SPTLC1: variants seen among roughly 807,000 people sequenced by gnomAD.
SPTLC1 encodes the protein serine palmitoyltransferase 1.
Under a neutral mutation model 68.9 loss-of-function variants are expected in SPTLC1, and 55 were observed. The observed-to-expected ratio is 0.80, with a 90% CI of 0.64 to 1.00. The LOEUF (loss-of-function observed/expected upper bound fraction) is 1.00. Ranked by LOEUF, SPTLC1 falls within the 50% of genes least tolerant of loss-of-function variation. The pLI, the probability that SPTLC1 is intolerant of heterozygous loss-of-function variation, is 0.00. For synonymous variants in SPTLC1, 197 were observed against 201.6 expected, an observed-to-expected ratio of 0.98 and a Z score of 0.19; for missense variants, 449 against 573.1, an observed-to-expected ratio of 0.78 and a Z score of 2.21.
chr9:92,107,778 T>A (rs1414974570), intron 3 of SPTLC1: 1 of 152,140 alleles, frequency 6.6e-6, no homozygotes, highest in Non-Finnish European at 1.5e-5. Flanking sequence ...TAGGTTTGAT[T>A]TCAGAATATA....
At chr9:92,093,180 T>C (rs1358385938) in intron 3 of SPTLC1, among the ~76,000 whole-genome samples, 1 of 152,008 alleles carries the variant, frequency 6.6e-6, no homozygotes, top group African/African-American at 2.4e-5. Flanking sequence ...TTTCAGAAAA[T>C]ACAACATAAT....
At chr9:92,039,111 C>T (rs1833253342) in intron 12 of SPTLC1, among the ~76,000 whole-genome samples, 1 of 152,184 alleles carries the variant, frequency 6.6e-6, no homozygotes, top group Non-Finnish European at 1.5e-5. Context: ...TGTGCCACTA[C>T]ACTCCAGCTT....
In SPTLC1 at chr9:92,064,670, C is replaced by CT. The variant is rs565437159; in HGVS notation, c.560+3295dup. ...GAATGTACATGAATGTTTAGAGCAGCTTTTTTTTTATAACAGCACAAAGCT... is the reference window on the plus strand; with the variant it reads ...GAATGTACATGAATGTTTAGAGCAGCTTTTTTTTTTATAACAGCACAAAGCT... On this transcript the variant is annotated intron_variant, in intron 6 of 14. Transcript: ENST00000262554. Among the ~76,000 whole-genome samples the CT allele has an allele frequency of 2.7e-3, 406 of 151,568 alleles. 6 individuals carry two copies. Among genetic ancestry groups the CT allele is most frequent in the East Asian group, 1.4e-3 (7 of 5,182 alleles).
At chr9:92,101,414 T>G (rs971042305) in intron 3 of SPTLC1, among the ~76,000 whole-genome samples, 12 of 150,520 alleles carry the variant, frequency 8.0e-5, no homozygotes, top group African/African-American at 2.9e-4. Context: ...TACAAACAAT[T>G]AGCCGGGCGT....
intron 5 of SPTLC1, among the ~76,000 whole-genome samples, chr9:92,072,461 CCA>C (rs1244758742): frequency 6.6e-6 from 1 of 152,170 alleles, no homozygotes; most frequent in Non-Finnish European, 1.5e-5. Context: ...CATTCGCCAG[CCA>C]CACAACCCGG....
At chr9:92,112,960 A>G (rs1330590915) in intron 1 of SPTLC1, among the ~76,000 whole-genome samples, 2 of 152,086 alleles carry the variant, frequency 1.3e-5, no homozygotes, top group South Asian at 2.1e-4. Flanking sequence ...ATACAAAATT[A>G]GCTGGGTCTG....
At chr9:92,102,491 AG>A (rs1316905818) in intron 3 of SPTLC1, among the ~76,000 whole-genome samples, 1 of 152,218 alleles carries the variant, frequency 6.6e-6, no homozygotes, top group Non-Finnish European at 1.5e-5. Context: ...CACCCAATAC[AG>A]AACAATATAA....
Position 92,112,436 on chromosome 9 carries a change from CAG to C in SPTLC1, c.165+17_165+18del, listed in dbSNP as rs1456253967. On this transcript the variant is annotated intron_variant, in intron 2 of 14. Transcript: ENST00000262554. ...ATAATCACATACCCAATAATTAAAA[CAG>C]AGATTTAATTTCGTACCTTGACTGT... 11 of 1,526,438 alleles carry C rather than the reference CAG, an allele frequency of 7.2e-6. No individual in the cohort carries two copies. Among genetic ancestry groups the C allele is most frequent in the African/African-American group, 2.7e-5 (2 of 73,160 alleles). 94.6% of individuals were successfully genotyped at this position (1,526,438 alleles called of 1,614,324 possible).
chr9:92,051,055 C>T, intron 8 of SPTLC1: 1 of 985,294 alleles, frequency 1.0e-6, no homozygotes, highest in Non-Finnish European at 1.2e-6. Flanking sequence ...TGCTTCATTA[C>T]TGTAGCCCTA....
intron 6 of SPTLC1, among the ~76,000 whole-genome samples, chr9:92,061,849 GAAA>G (rs1834115917): frequency 6.6e-6 from 1 of 151,956 alleles, no homozygotes; most frequent in Non-Finnish European, 1.5e-5. Context: ...GCTATACAAA[GAAA>G]AAGTAAATTC....
intron 5 of SPTLC1, among the ~76,000 whole-genome samples, chr9:92,078,008 T>C (rs965938916): frequency 6.6e-6 from 1 of 152,128 alleles, no homozygotes; most frequent in Non-Finnish European, 1.5e-5. Flanking sequence ...TTGTTGGCTA[T>C]GTATTTCCTT....
At chr9:92,105,868 GCC>G (rs1186241762) in intron 3 of SPTLC1, among the ~76,000 whole-genome samples, 1 of 147,060 alleles carries the variant, frequency 6.8e-6, no homozygotes, top group African/African-American at 2.6e-5. Flanking sequence ...AATGAGGAGC[GCC>G]TCTGCCTTGC....
intron 3 of SPTLC1, among the ~76,000 whole-genome samples, chr9:92,094,440 AAATGTAAGTC>A (rs1835464695): frequency 6.6e-6 from 1 of 152,234 alleles, no homozygotes; most frequent in South Asian, 2.1e-4. Context: ...ATGAAAAGGA[AAATGTAAGTC>A]AAGACATTCC....
At chr9:92,113,107 C>CAAAT (rs35205009) in intron 1 of SPTLC1, among the ~76,000 whole-genome samples, 20,787 of 151,838 alleles carry the variant, frequency 0.14, 1,761 homozygotes, top group Admixed American at 0.19. Context: ...AACTCCGTCT[C>CAAAT]AAATAAATAA....
At chr9:92,084,043 G>T (rs1835011528) in intron 3 of SPTLC1, among the ~76,000 whole-genome samples, 4 of 151,936 alleles carry the variant, frequency 2.6e-5, no homozygotes, top group Admixed American at 2.6e-4. Flanking sequence ...CTCTCTGTTT[G>T]TCTGTTATTG....
chr9:92,067,420 C>T (rs1473036906), intron 6 of SPTLC1, among the ~76,000 whole-genome samples: 1 of 152,216 alleles, frequency 6.6e-6, no homozygotes, highest in East Asian at 1.9e-4. Context: ...CTGGTTTAAC[C>T]AGCTGCCTGG....
rs1833568954 is a variant in SPTLC1, at chr9:92,047,701, T to C, written c.896A>G (p.Asp299Gly). Residue 299 changes from aspartate (D) to glycine (G), a missense_variant, in exon 10 of 15, where the codon GAT (aspartate) becomes GGT (glycine). Transcript: ENST00000262554. ...VTEHYGINID[D>G]IDLISANMEN... ...CATGTTGGCACTGATAAGATCAATA[T>C]CATCAATCTGCCGGAAAAGGAGGAG... The C allele has an allele frequency of 1.2e-6, 2 of 1,610,998 alleles. No individual in the cohort carries two copies. Among genetic ancestry groups the C allele is most frequent in the Admixed American group, 1.7e-5 (1 of 59,944 alleles).
intron 14 of SPTLC1, among the ~76,000 whole-genome samples, chr9:92,033,841 T>C (rs1833053228): frequency 1.3e-5 from 2 of 152,182 alleles, no homozygotes; most frequent in South Asian, 4.1e-4. Context: ...CCACTGCACC[T>C]GGCTGAAAAG....
At chr9:92,096,492 A>G (rs1835534077) in intron 3 of SPTLC1, among the ~76,000 whole-genome samples, 1 of 152,220 alleles carries the variant, frequency 6.6e-6, no homozygotes, top group African/African-American at 2.4e-5. Flanking sequence ...GCCCATTTTA[A>G]CAGGGCTCTC....
Sources: gnomAD v4.1 joint callset for allele counts (sites outside exome capture counted in the v4.1 genomes callset) on GRCh38, gnomAD v4.1.1 for gene constraint, MANE v1.5 for transcripts, NCBI Gene and HGNC (gene_info 2026-07-23, HGNC 2026-07-21) for gene names.